The following PCYT1B variants were observed in gnomAD, a reference collection of about 807,000 sequenced individuals.
PCYT1B encodes phosphate cytidylyltransferase 1B, choline, also known as choline-phosphate cytidylyltransferase B.
In PCYT1B, 10 loss-of-function variants were observed where a neutral mutation model predicts 26.4. The observed-to-expected ratio is 0.38, with a 90% CI of 0.23 to 0.64. The LOEUF is 0.64. PCYT1B is among the 30% of genes least tolerant of loss of function. The pLI is 0.56. For missense variants in PCYT1B, 161 were observed against 292.7 expected (o/e 0.55, Z 3.28); for synonymous variants, 131 against 108.4 (o/e 1.21, Z -1.29).
At chrX:24,563,248 G>C (rs1325158608) in intron 7 of PCYT1B, among the ~76,000 whole-genome samples, 3 of 111,945 alleles carry the variant, frequency 2.7e-5, no homozygotes, top group African/African-American at 6.5e-5. Flanking sequence ...GAGAAAAAGA[G>C]GGCGAGAGGA....
rs1923396696 is a variant in PCYT1B at position 24,561,086 on chromosome X, G to C, written c.*1207C>G. On this transcript the variant is annotated 3_prime_UTR_variant, in exon 8 of 8. Coordinates refer to ENST00000379144, the MANE Select transcript of PCYT1B (RefSeq NM_004845.5). The stretch of plus-strand genomic sequence containing the variant: ...TCCTTCACCCAAAAATGTTATAGGA[G>C]GCCACGAGAACAAAATACTAATTTC... 1 of 112,438 alleles carries C rather than the reference G, an allele frequency of 8.9e-6. No individual in the cohort carries two copies. The allele number at this position is 112,438 out of a possible 1,213,427, so 9.3% of individuals were successfully genotyped here. A position where few individuals can be genotyped will look rare whatever the true frequency, so the allele number is the denominator to read the frequency against.
At chrX:24,585,609 G>A (rs1311887725) in intron 5 of PCYT1B, among the ~76,000 whole-genome samples, 2 of 110,891 alleles carry the variant, frequency 1.8e-5, no homozygotes, top group Non-Finnish European at 3.8e-5. Flanking sequence ...TCTGGTAAGT[G>A]GGGCTGATGG....
chrX:24,579,994 G>T (rs1170995296), intron 5 of PCYT1B, among the ~76,000 whole-genome samples: 1 of 111,680 alleles, frequency 9.0e-6, no homozygotes, highest in African/African-American at 3.3e-5. Context: ...GGGCAACATG[G>T]CAAAACCCTG....
intron 1 of PCYT1B, among the ~76,000 whole-genome samples, chrX:24,642,504 G>A (rs909822950): frequency 3.6e-5 from 4 of 112,239 alleles, no homozygotes; most frequent in Non-Finnish European, 7.5e-5. Context: ...TAAGGGTTTA[G>A]CATTAGGCAA....
chrX:24,590,282 C>G, intron 3 of PCYT1B, 108 bp from the exon 4 acceptor site: 1 of 629,514 alleles, frequency 1.6e-6, no homozygotes, highest in Non-Finnish European at 2.4e-6. Context: ...CACAGCCTCG[C>G]TAGGTGCTTG....
chrX:24,652,424 T>A (rs1285468112), intron 1 of PCYT1B, among the ~76,000 whole-genome samples: 2 of 109,918 alleles, frequency 1.8e-5, no homozygotes, highest in East Asian at 5.7e-4. Flanking sequence ...CCAAGCGTGT[T>A]GGTGGGCGCC....
chrX:24,618,892 G>A, intron 2 of PCYT1B, 93 bp downstream of exon 2: 1 of 515,593 alleles, frequency 1.9e-6, no homozygotes, highest in Non-Finnish European at 3.0e-6. Flanking sequence ...CAAAGTGCTG[G>A]GATCACAGGC....
upstream of PCYT1B, among the ~76,000 whole-genome samples, chrX:24,650,338 T>TC (rs1269628441): frequency 1.2e-5 from 1 of 82,200 alleles, no homozygotes; most frequent in Non-Finnish European, 2.3e-5. Flanking sequence ...TTTTTTTTTT[T>TC]CAGACAGGAT....
chrX:24,595,872 C>A (rs1262155000), intron 3 of PCYT1B, among the ~76,000 whole-genome samples: 1 of 102,275 alleles, frequency 9.8e-6, no homozygotes, highest in Non-Finnish European at 2.0e-5. Flanking sequence ...GAGAGTGAGA[C>A]CCTGTCTCAA....
chrX:24,611,352 G>T (rs1344131203), intron 2 of PCYT1B, among the ~76,000 whole-genome samples: 1 of 111,512 alleles, frequency 9.0e-6, no homozygotes, highest in Non-Finnish European at 1.9e-5. Context: ...AGATTTTTCT[G>T]GATATGCTTT....
chrX:24,624,183 A>C (rs944963072), intron 1 of PCYT1B, among the ~76,000 whole-genome samples: 2 of 109,921 alleles, frequency 1.8e-5, no homozygotes, highest in East Asian at 2.8e-4. Flanking sequence ...GTTAACCAGG[A>C]TGGTCTTGAT....
intron 3 of PCYT1B, among the ~76,000 whole-genome samples, chrX:24,606,812 A>G (rs758762453): frequency 1.0e-3 from 112 of 112,483 alleles, no homozygotes; most frequent in Non-Finnish European, 1.9e-3. Context: ...GGTTGCAGTG[A>G]GTCAAGATTG....
At chrX:24,568,348 C>G (rs779309058) in intron 7 of PCYT1B, among the ~76,000 whole-genome samples, 1 of 111,452 alleles carries the variant, frequency 9.0e-6, no homozygotes, top group East Asian at 2.8e-4. Flanking sequence ...GCCTGGGCAA[C>G]ATAGTGTGAG....
intron 7 of PCYT1B, among the ~76,000 whole-genome samples, chrX:24,562,770 C>T (rs61762691): frequency 0.017 from 1,850 of 106,526 alleles, 47 homozygotes; most frequent in African/African-American, 0.059. Flanking sequence ...CTCTGTCACC[C>T]AAGCTGGAGT....
At chrX:24,623,839 T>A (rs996155927) in intron 1 of PCYT1B, among the ~76,000 whole-genome samples, 1 of 111,461 alleles carries the variant, frequency 9.0e-6, no homozygotes, top group Non-Finnish European at 1.9e-5. Flanking sequence ...CCTGCACTTA[T>A]GCAATGTACA....
chrX:24,585,886 C>T (rs992973728), intron 5 of PCYT1B, among the ~76,000 whole-genome samples: 1 of 110,795 alleles, frequency 9.0e-6, no homozygotes, highest in Non-Finnish European at 1.9e-5. Context: ...AAGACCTGAT[C>T]ACGACACTCC....
chrX:24,578,257 G>A (rs924476620), intron 6 of PCYT1B, among the ~76,000 whole-genome samples: 31 of 108,730 alleles, frequency 2.9e-4, no homozygotes, highest in Non-Finnish European at 3.8e-4. Flanking sequence ...CAAACACCGC[G>A]TGTTCTCACT....
At chrX:24,584,876 A>G (rs1228531886) in intron 5 of PCYT1B, among the ~76,000 whole-genome samples, 1 of 111,172 alleles carries the variant, frequency 9.0e-6, no homozygotes, top group Non-Finnish European at 1.9e-5. Context: ...TAAAAAGAAG[A>G]GTTAAGAAAG....
chrX:24,601,964 C>T (rs1924981336), intron 3 of PCYT1B, among the ~76,000 whole-genome samples: 3 of 112,353 alleles, frequency 2.7e-5, no homozygotes, highest in South Asian at 3.7e-4. Flanking sequence ...TAGACATATT[C>T]CTACCATGCA....
Sources: allele counts gnomAD v4.1 joint callset (sites outside exome capture counted in the v4.1 genomes callset), GRCh38; gene constraint gnomAD v4.1.1; transcripts MANE v1.5; gene names NCBI Gene and HGNC (gene_info 2026-07-23, HGNC 2026-07-21).